The following KLHL18 variants were observed in gnomAD, a reference collection of about 807,000 sequenced individuals.
KLHL18 encodes the protein kelch like family member 18, also known as kelch-like protein 18.
A neutral mutation model predicts 58.5 loss-of-function variants in KLHL18; 38 were observed. The ratio of observed to expected loss-of-function variants is 0.65; its 90% CI spans 0.50 to 0.85. KLHL18 has a LOEUF of 0.85. Ranked by LOEUF, KLHL18 falls within the 40% of genes least tolerant of loss-of-function variation. The pLI is 0.00. For missense variants in KLHL18, 624 were observed against 778.4 expected, an observed-to-expected ratio of 0.80 and a Z score of 2.36; for synonymous variants, 303 against 301.9, an observed-to-expected ratio of 1.00 and a Z score of -0.04.
Position 47,343,806 on chromosome 3 carries a change from G to A in KLHL18, c.1590G>A (p.Gly530=). 1.2e-6 allele frequency: 2 copies of A among 1,614,210 alleles called. No individual in the cohort carries two copies. Among genetic ancestry groups the A allele is most frequent in the Non-Finnish European group, 1.7e-6 (2 of 1,180,046 alleles). The change falls in exon 10 of 10, where the codon GGG becomes GGA. Residue 530 remains glycine, a synonymous_variant. Coordinates refer to ENST00000232766, the MANE Select transcript of KLHL18 (RefSeq NM_025010.5). ...GCTGTGGGCGCCTCTACGCTGTTGG[G>A]GGCTACGACGGACAGTCAAACCTAA... is the stretch of plus-strand genomic sequence containing the variant. ...VASCGRLYAV[G]GYDGQSNLSS...
In KLHL18 at chr3:47,343,976, G is replaced by T. The variant is rs748673127; in HGVS notation, c.*35G>T. The T allele has an allele frequency of 7.5e-6, 12 of 1,605,376 alleles. No individual in the cohort carries two copies. The South Asian group carries it at 1.2e-4, about 16-fold the overall frequency. On this transcript the variant is annotated 3_prime_UTR_variant, in exon 10 of 10. Transcript: ENST00000232766. ...TGGGATGTGGTGGGGCAGGGATCTGGTACAGACATAGGCGCTTCCTTCCAG... is the reference window on the plus strand; with the variant it reads ...TGGGATGTGGTGGGGCAGGGATCTGTTACAGACATAGGCGCTTCCTTCCAG...
chr3:47,344,170 T>C lies in KLHL18; in HGVS notation c.*229T>C. ...ATGGAACACAAGCTCCTCTGGATCC[T>C]GCAGCTGGTGACATGGAACTGTTTT... On this transcript the variant is annotated 3_prime_UTR_variant, in exon 10 of 10. Coordinates refer to ENST00000232766, the MANE Select transcript of KLHL18 (RefSeq NM_025010.5). The C allele has an allele frequency of 1.8e-6, 1 of 565,128 alleles. No homozygotes were observed. The allele number at this position is 565,128 out of a possible 1,614,324, so 35.0% of individuals were successfully genotyped here.
intron 9 of KLHL18, 135 bp downstream of exon 9, chr3:47,342,965 C>T (rs1704142852): frequency 4.6e-6 from 3 of 657,390 alleles, no homozygotes; most frequent in Non-Finnish European, 7.9e-6. Context: ...TCAGGCTATC[C>T]ACTGCACCTT....
At chr3:47,310,330 A>T (rs1371441345) in intron 1 of KLHL18, among the ~76,000 whole-genome samples, 1 of 151,492 alleles carries the variant, frequency 6.6e-6, no homozygotes, top group African/African-American at 2.4e-5. Context: ...ACTCTTTTCT[A>T]CCTCCAGACA....
At chr3:47,342,651 A>T in intron 8 of KLHL18, 68 bp from the exon 9 acceptor site, 2 of 1,286,170 alleles carry the variant, frequency 1.6e-6, no homozygotes, top group South Asian at 1.2e-5. Context: ...AAACCCTGCT[A>T]GGCTGTCTTG....
At chr3:47,303,326 T>A (rs1703066801) in intron 1 of KLHL18, among the ~76,000 whole-genome samples, 1 of 152,158 alleles carries the variant, frequency 6.6e-6, no homozygotes, top group Non-Finnish European at 1.5e-5. Flanking sequence ...GACACCCTGA[T>A]TTAGAGGCTG....
Position 47,319,798 on chromosome 3 carries a change from C to G in KLHL18, c.260+15C>G. 1 of 1,611,772 alleles carries G rather than the reference C, an allele frequency of 6.2e-7. No homozygotes were observed. The highest frequency in any genetic ancestry group is 8.5e-7 in the Non-Finnish European group (1 of 1,178,416). On this transcript the variant is annotated intron_variant, in intron 2 of 9. Coordinates refer to ENST00000232766, the MANE Select transcript of KLHL18 (RefSeq NM_025010.5). ...ATGGACCCAAGGTACTGAATCCCACCATTAGGTTTCGCAGGCTGCTTTCCA... is the reference window on the plus strand; with the variant it reads ...ATGGACCCAAGGTACTGAATCCCACGATTAGGTTTCGCAGGCTGCTTTCCA...
intron 1 of KLHL18, among the ~76,000 whole-genome samples, chr3:47,314,023 T>TA (rs978794426): frequency 2.0e-5 from 3 of 152,198 alleles, no homozygotes; most frequent in Admixed American, 2.0e-4. Context: ...TCTCTTTTTT[T>TA]AAAAAATGAC....
intron 5 of KLHL18, among the ~76,000 whole-genome samples, chr3:47,333,753 G>A (rs886752428): frequency 4.6e-5 from 7 of 152,202 alleles, no homozygotes; most frequent in African/African-American, 1.7e-4. Context: ...GCCAGGTGTA[G>A]GCTTTACATC....
Position 47,346,515 on chromosome 3 carries a change from G to A in KLHL18, c.*2574G>A, listed in dbSNP as rs1179014452. 2.6e-5 allele frequency: 4 copies of A among 152,580 alleles called. No homozygotes were observed. The highest frequency in any genetic ancestry group is 9.6e-5 in the African/African-American group (4 of 41,460). The allele number at this position is 152,580 out of a possible 1,614,324, so 9.5% of individuals were successfully genotyped here. ...TATTGTAAAAAGGATGTAACAAGGA[G>A]ATAGGGTAGACATTGTACTCAGTGG... On this transcript the variant is annotated 3_prime_UTR_variant, in exon 10 of 10. Transcript: ENST00000232766.
intron 8 of KLHL18, among the ~76,000 whole-genome samples, chr3:47,341,573 A>G (rs1704108965): frequency 6.6e-6 from 1 of 152,196 alleles, no homozygotes; most frequent in Non-Finnish European, 1.5e-5. Context: ...TGGATAGCCA[A>G]TGGGAGGTGT....
In KLHL18 at chr3:47,344,105, C is replaced by A; in HGVS notation, c.*164C>A. On this transcript the variant is annotated 3_prime_UTR_variant, in exon 10 of 10. Coordinates refer to ENST00000232766, the MANE Select transcript of KLHL18 (RefSeq NM_025010.5). ...GCTTAAGCCCTCCCCCACTGTGCCA[C>A]CCTTGTGACCTTCAGGCTTGGGTCA... The A allele has an allele frequency of 1.3e-6, 1 of 773,310 alleles. No homozygotes were observed. 47.9% of individuals were successfully genotyped at this position (773,310 alleles called of 1,614,324 possible).
chr3:47,336,669 GACGGCCAGCT>G lies in KLHL18; in HGVS notation c.1039_1048del (p.Gln347Ter). The G allele has an allele frequency of 1.2e-6, 2 of 1,614,258 alleles. No homozygotes were observed. Among genetic ancestry groups the G allele is most frequent in the Non-Finnish European group, 1.7e-6 (2 of 1,180,044 alleles). On this transcript the variant is annotated frameshift_variant, in exon 7 of 10. Coordinates refer to ENST00000232766, the MANE Select transcript of KLHL18 (RefSeq NM_025010.5). LOFTEE classifies it high-confidence loss of function. The stretch of plus-strand genomic sequence containing the variant: ...GCTTCTCTATGCCATCGGAGGATAT[GACGGCCAGCT>G]ACGGCTGAGCACTGTGGAGGCCTAC...
intron 1 of KLHL18, among the ~76,000 whole-genome samples, chr3:47,307,769 G>A (rs1304911058): frequency 6.6e-6 from 1 of 152,064 alleles, no homozygotes; most frequent in Admixed American, 6.5e-5. Context: ...TTTCCATGTG[G>A]ATAACTAGTT....
chr3:47,297,492 C>G (rs1702921301), intron 1 of KLHL18: 2 of 454,500 alleles, frequency 4.4e-6, no homozygotes, highest in African/African-American at 4.0e-5. Flanking sequence ...TGCACTGTTA[C>G]CCTGGGAGTC....
At position 47,313,406 on chromosome 3, in the gene KLHL18, T is replaced by C. The variant is rs368642958; in HGVS notation, c.130-6247T>C. On this transcript the variant is annotated intron_variant, in intron 1 of 9. Transcript: ENST00000232766. Reference sequence around the variant, plus strand: ...CTAATTCATTTTATTTTATTTTTTGTAAACACATGGTCTTGCCATATTGCC... The same window carrying C: ...CTAATTCATTTTATTTTATTTTTTGCAAACACATGGTCTTGCCATATTGCC... 1.2e-3 allele frequency among the ~76,000 whole-genome samples: 180 copies of C among 152,030 alleles called. 3 individuals are homozygous for C. In the South Asian group the frequency reaches 0.035, roughly 29 times the overall value.
At chr3:47,294,390 C>T (rs1452867212) in intron 1 of KLHL18, among the ~76,000 whole-genome samples, 1 of 152,034 alleles carries the variant, frequency 6.6e-6, no homozygotes, top group Non-Finnish European at 1.5e-5. Context: ...GAGTAGCAGA[C>T]AATAAACAGA....
intron 1 of KLHL18, among the ~76,000 whole-genome samples, chr3:47,309,717 ACT>A (rs1486611097): frequency 6.6e-6 from 1 of 152,240 alleles, no homozygotes; most frequent in African/African-American, 2.4e-5. Context: ...AACATTGAGC[ACT>A]GAGTGAACGA....
At chr3:47,293,287 T>C (rs1702827885) in intron 1 of KLHL18, among the ~76,000 whole-genome samples, 1 of 152,228 alleles carries the variant, frequency 6.6e-6, no homozygotes, top group African/African-American at 2.4e-5. Context: ...GTTATTTATA[T>C]TTAATCCAAT....
Sources: gnomAD v4.1 joint callset for allele counts (sites outside exome capture counted in the v4.1 genomes callset) on GRCh38, gnomAD v4.1.1 for gene constraint, MANE v1.5 for transcripts, NCBI Gene and HGNC (gene_info 2026-07-23, HGNC 2026-07-21) for gene names.